Variants in TTN observed in about 807,000 individuals in gnomAD.
TTN encodes connectin.
Under a neutral mutation model 3,223.0 loss-of-function variants are expected in TTN, and 1,525 were observed. That is an observed-to-expected ratio of 0.47 (90% CI 0.45 to 0.49). TTN has a LOEUF of 0.49. TTN is among the 20% of genes least tolerant of loss of function. TTN has a pLI of 0.00. For missense variants in TTN, 40,786 were observed against 43,424.0 expected (o/e 0.94, Z 5.40); for synonymous variants, 14,094 against 15,161.0 (o/e 0.93, Z 5.17).
At position 178,735,987 on chromosome 2, in the gene TTN, C is replaced by T. The variant is rs376364888; in HGVS notation, c.14459G>A (p.Gly4820Glu). ...KAAKFICTVT[G>E]TPVIETIWQK... ...CCAAATGGTTTCTATCACAGGAGTC[C>T]CTGTCACTGTGCAGATGAACTTGGC... Residue 4820 changes from glycine (G) to glutamate (E), a missense_variant, in exon 50 of 363, where the codon GGG (glycine) becomes GAG (glutamate). Coordinates refer to ENST00000589042, the MANE Select transcript of TTN (RefSeq NM_001267550.2). 21 of 1,613,590 alleles carry T rather than the reference C, an allele frequency of 1.3e-5. No individual in the cohort carries two copies. The highest frequency in any genetic ancestry group is 1.6e-4 in the Middle Eastern group (1 of 6,078).
chr2:178,653,170 A>T, intron 198 of TTN, 46 bp from the exon 199 acceptor site: 2 of 1,609,888 alleles, frequency 1.2e-6, no homozygotes, highest in Non-Finnish European at 1.7e-6. Context: ...TATGAAGACC[A>T]CTGGAACAAA....
In TTN at chr2:178,530,009, T is replaced by C. The variant is rs766024055; in HGVS notation, c.106482A>G (p.Val35494=). The change falls in exon 359 of 363, where the codon GTA becomes GTG. Residue 35494 remains valine (V), a synonymous_variant. Coordinates refer to ENST00000589042, the MANE Select transcript of TTN (RefSeq NM_001267550.2). ...AGGACACAGATCCAGCTGAATTTTT[T>C]ACTGTACAAGTATAAAGTCCACTGT... The part of the protein sequence containing the change: ...TSDSGLYTCT[V]KNSAGSVSSS... 18 of 1,604,968 alleles carry C rather than the reference T, an allele frequency of 1.1e-5. No homozygotes were observed. The Admixed American group carries it at 3.1e-4, about 28-fold the overall frequency.
intron 37 of TTN, 142 bp from the exon 38 acceptor site, chr2:178,769,075 C>T (rs2091034262): frequency 2.2e-6 from 2 of 913,062 alleles, no homozygotes; most frequent in Non-Finnish European, 3.4e-6. Context: ...GCTTTGATAC[C>T]TTCCATGTAC....
rs373173599 is a variant in TTN at position 178,534,490 on chromosome 2, A to G, written c.102125T>C (p.Ile34042Thr). The G allele has an allele frequency of 8.1e-6, 13 of 1,613,660 alleles. No homozygotes were observed. The African/African-American group carries it at 1.1e-4, about 13-fold the overall frequency. ...AACAAAATCCATGGCTTCAATGCTA[A>G]TCTCTTTGAATGCTTCCTCATCGAA... ...YTFDEEAFKE[I>T]SIEAMDFVDR... is the part of the protein sequence containing the mutation. The change falls in exon 358 of 363, where the codon ATT (isoleucine) becomes ACT (threonine). Residue 34042 changes from isoleucine (I) to threonine (T), a missense_variant. Transcript: ENST00000589042.
In TTN at chr2:178,651,534, G is replaced by A; in HGVS notation, c.39466C>T (p.Pro13156Ser). Residue 13156 changes from proline to serine, a missense_variant and splice_region_variant, in exon 207 of 363, where the codon CCC becomes TCC. By Grantham distance (74) the Pro-to-Ser change is moderately conservative. Transcript: ENST00000589042. ...GGAACAACCTCCTTGGGCACCTCGG[G>A]CACTATAAAAGATATTAGTAGTTGT... is the stretch of plus-strand genomic sequence containing the variant. ...KKPELPPVKVPEVPKEVVPEK... is the reference protein window; with the variant it reads ...KKPELPPVKVSEVPKEVVPEK... 6.2e-7 allele frequency: 1 copy of A among 1,612,820 alleles called. No individual in the cohort carries two copies. Among genetic ancestry groups the A allele is most frequent in the Non-Finnish European group, 8.5e-7 (1 of 1,179,462 alleles).
rs2154269878 is a variant in TTN, at chr2:178,679,675, C to T, written c.33588G>A (p.Glu11196=). The change falls in exon 141 of 363, where the codon GAG becomes GAA. Residue 11196 remains glutamate, a synonymous_variant. Transcript: ENST00000589042. The part of the protein sequence containing the change: ...VVPVIPVKVP[E]VPRKPVPEEK... ...CTTCTGGAACAGGTTTCCTGGGTAC[C>T]TCAGGCACTTTAAAGATATTATTAA... 6.2e-7 allele frequency: 1 copy of T among 1,607,478 alleles called. No homozygotes were observed. Among genetic ancestry groups the T allele is most frequent in the East Asian group, 2.2e-5 (1 of 44,834 alleles).
In TTN at chr2:178,621,903, C is replaced by A. The variant is rs1356461359; in HGVS notation, c.45019G>T (p.Asp15007Tyr). 1 of 1,612,196 alleles carries A rather than the reference C, an allele frequency of 6.2e-7. No individual in the cohort carries two copies. Among genetic ancestry groups the A allele is most frequent in the South Asian group, 1.1e-5 (1 of 91,012 alleles). Residue 15007 changes from aspartate (D) to tyrosine (Y), a missense_variant, in exon 244 of 363, where the codon GAT (aspartate) becomes TAT (tyrosine). Coordinates refer to ENST00000589042, the MANE Select transcript of TTN (RefSeq NM_001267550.2). The part of the protein sequence containing the change: ...ILVINKCLLD[D>Y]EAEYSCEVRT... ...ACTTCACAGGAATATTCAGCTTCAT[C>A]ATCCAGTAGACATTTGTTGATGACA...
chr2:178,608,808 G>T lies in TTN; in HGVS notation c.52203C>A (p.Ile17401=), dbSNP rs1576380095. 1 of 1,612,388 alleles carries T rather than the reference G, an allele frequency of 6.2e-7. No individual in the cohort carries two copies. The highest frequency in any genetic ancestry group is 1.3e-5 in the African/African-American group (1 of 74,830). Residue 17401 remains isoleucine (I), a synonymous_variant, in exon 274 of 363, where the codon ATC becomes ATA. Transcript: ENST00000589042. ...EPPLDDGGSE[I]INYTLEKKDK... The stretch of plus-strand genomic sequence containing the variant: ...CTTTCTTTTCCAAAGTGTAGTTTAT[G>T]ATTTCACTGCCACCATCATCAAGGG...
At chr2:178,600,769 T>C (rs183783345) in intron 288 of TTN, 85 bp downstream of exon 288, 18 of 1,505,450 alleles carry the variant, frequency 1.2e-5, no homozygotes, top group African/African-American at 1.1e-4. Context: ...GGTACAGATA[T>C]AGCTCTTTTA....
At chr2:178,680,883 T>C (rs886971277) in intron 138 of TTN, among the ~76,000 whole-genome samples, 196 bp downstream of exon 138, 2 of 152,112 alleles carry the variant, frequency 1.3e-5, no homozygotes, top group Non-Finnish European at 2.9e-5. Flanking sequence ...GCTAACAGGC[T>C]ATGGATGTAT....
chr2:178,771,306 C>G lies in TTN; in HGVS notation c.8021G>C (p.Arg2674Thr), dbSNP rs542196734. 6.2e-7 allele frequency: 1 copy of G among 1,614,052 alleles called. No homozygotes were observed. The highest frequency in any genetic ancestry group is 1.7e-5 in the Admixed American group (1 of 60,012). The change falls in exon 34 of 363, where the codon AGG becomes ACG. Residue 2674 changes from arginine (R) to threonine (T), a missense_variant. Arg to Thr is a moderately conservative substitution (Grantham distance 71). Coordinates refer to ENST00000589042, the MANE Select transcript of TTN (RefSeq NM_001267550.2). ...NIRSESDGHK[R>T]RLIIAATKLD... ...TTTGGTGGCAGCAATGATAAGTCTC[C>G]TTTTGTGGCCATCAGACTCACTTCT...
chr2:178,652,372 A>G, intron 202 of TTN, 25 bp from the exon 203 acceptor site: 1 of 1,613,482 alleles, frequency 6.2e-7, no homozygotes, highest in Non-Finnish European at 8.5e-7. Flanking sequence ...GTGAAATTAC[A>G]TTTAGGCATT....
Position 178,537,718 on chromosome 2 carries a change from C to T in TTN, c.99489G>A (p.Glu33163=), listed in dbSNP as rs1305760322. Residue 33163 remains glutamate (E), a synonymous_variant, in exon 355 of 363, where the codon GAG becomes GAA. Transcript: ENST00000589042. ...GRTHTLTVMT[E]EQEDEGVYTC... is the part of the protein sequence containing the mutation. ...TATAAACACCTTCATCTTCCTGTTC[C>T]TCTGTCATTACTGTAAGAGTGTGTG... 1.2e-6 allele frequency: 2 copies of T among 1,613,632 alleles called. No individual in the cohort carries two copies. Among genetic ancestry groups the T allele is most frequent in the Non-Finnish European group, 1.7e-6 (2 of 1,179,782 alleles).
At position 178,741,792 on chromosome 2, in the gene TTN, T is replaced by G. The variant is rs1033810164; in HGVS notation, c.11441A>C (p.Glu3814Ala). The change falls in exon 48 of 363, where the codon GAA becomes GCA. Residue 3814 changes from glutamate (E) to alanine (A), a missense_variant. Coordinates refer to ENST00000589042, the MANE Select transcript of TTN (RefSeq NM_001267550.2). ...SPVYPTKFDS[E>A]KEGTGPIFIK... ...GAAAATTGGGCCAGTGCCTTCCTTT[T>G]CGGAATCAAATTTAGTTGGGTAAAC... is the stretch of plus-strand genomic sequence containing the variant. The G allele has an allele frequency of 6.2e-7, 1 of 1,613,382 alleles. No individual in the cohort carries two copies. Among genetic ancestry groups the G allele is most frequent in the Non-Finnish European group, 8.5e-7 (1 of 1,179,644 alleles).
intron 79 of TTN, 110 bp from the exon 80 acceptor site, chr2:178,720,773 G>A: frequency 7.3e-7 from 1 of 1,362,006 alleles, no homozygotes; most frequent in Non-Finnish European, 9.7e-7. Flanking sequence ...GACAATACAT[G>A]CTGACACAAG....
intron 240 of TTN, among the ~76,000 whole-genome samples, chr2:178,627,929 G>A (rs1312887757): frequency 6.6e-6 from 1 of 152,070 alleles, no homozygotes; most frequent in Non-Finnish European, 1.5e-5. Flanking sequence ...AATCATGCAT[G>A]ATAGGCAAAA....
In TTN at chr2:178,706,423, T is replaced by A. The variant is rs116032296; in HGVS notation, c.29420+31A>T. On this transcript the variant is annotated intron_variant, in intron 102 of 362. Coordinates refer to ENST00000589042, the MANE Select transcript of TTN (RefSeq NM_001267550.2). ...GGAACCCACTTATATGGAGGGCTGA[T>A]TGTACGATTTGTGGTTTTTATTGAA... 8.2e-4 allele frequency: 1,293 copies of A among 1,571,586 alleles called. 8 individuals are homozygous for A. The African/African-American group carries it at 0.016, about 19-fold the overall frequency.
Position 178,804,547 on chromosome 2 carries a change from C to G in TTN, c.91+5G>C. On this transcript the variant is annotated splice_donor_5th_base_variant and intron_variant, in intron 2 of 362. Coordinates refer to ENST00000589042, the MANE Select transcript of TTN (RefSeq NM_001267550.2). Reference sequence around the variant, plus strand: ...AAAAACAAAAGTGTGAATGTGTGAGCTTACCACTAATGTGAGCCTCAAAGG... The same window carrying G: ...AAAAACAAAAGTGTGAATGTGTGAGGTTACCACTAATGTGAGCCTCAAAGG... 6.2e-7 allele frequency: 1 copy of G among 1,613,802 alleles called. No homozygotes were observed. The highest frequency in any genetic ancestry group is 8.5e-7 in the Non-Finnish European group (1 of 1,179,882).
chr2:178,660,568 AAAAACCCTAGAAG>A (rs2064503573), intron 180 of TTN, among the ~76,000 whole-genome samples: 1 of 133,420 alleles, frequency 7.5e-6, no homozygotes, highest in African/African-American at 2.8e-5. Flanking sequence ...CTAAAACCAT[AAAAACCCTAGAAG>A]AAAACCTAGG....
Sources: allele counts gnomAD v4.1 joint callset (sites outside exome capture counted in the v4.1 genomes callset), GRCh38; gene constraint gnomAD v4.1.1; transcripts MANE v1.5; gene names NCBI Gene and HGNC (gene_info 2026-07-23, HGNC 2026-07-21).